The following ADCY2 variants were observed in gnomAD, a reference collection of about 807,000 sequenced individuals.
ADCY2 encodes adenylate cyclase type 2.
ADCY2 carries 31 observed loss-of-function variants against 125.2 expected under a neutral mutation model. The ratio of observed to expected loss-of-function variants is 0.25; its 90% CI spans 0.19 to 0.33. The LOEUF (loss-of-function observed/expected upper bound fraction) is 0.33, where lower values mean the gene tolerates loss of function less well. Ranked by LOEUF, ADCY2 falls within the 10% of genes least tolerant of loss-of-function variation. The pLI is 1.00. For missense variants in ADCY2, 904 were observed against 1,418.2 expected, an observed-to-expected ratio of 0.64 and a Z score of 5.82; for synonymous variants, 512 against 548.4, an observed-to-expected ratio of 0.93 and a Z score of 0.93.
intron 3 of ADCY2, among the ~76,000 whole-genome samples, chr5:7,603,390 T>C (rs1162909989): frequency 6.6e-6 from 1 of 152,224 alleles, no homozygotes; most frequent in Non-Finnish European, 1.5e-5. Flanking sequence ...ATGTCCTCAC[T>C]GCCCCACCTC....
intron 2 of ADCY2, among the ~76,000 whole-genome samples, chr5:7,499,955 CTT>C: frequency 6.6e-6 from 1 of 152,090 alleles, no homozygotes; most frequent in Admixed American, 6.5e-5. Flanking sequence ...CAAAATAAAA[CTT>C]AACTCTATGC....
At chr5:7,693,406 GTTTTTTGTTTTTTTTT>G (rs1400526651) in intron 5 of ADCY2, among the ~76,000 whole-genome samples, 1 of 58,658 alleles carries the variant, frequency 1.7e-5, no homozygotes, top group Admixed American at 1.8e-4. Flanking sequence ...ATTGCCTGCT[GTTTTTTGTTTTTTTTT>G]TTTTTTTTTT....
intron 3 of ADCY2, among the ~76,000 whole-genome samples, chr5:7,580,148 T>A (rs544227786): frequency 6.6e-6 from 1 of 152,274 alleles, no homozygotes; most frequent in East Asian, 1.9e-4. Context: ...ATGGGTACTA[T>A]GCTCAGTACC....
intron 2 of ADCY2, among the ~76,000 whole-genome samples, chr5:7,517,038 A>G (rs1483477369): frequency 6.6e-6 from 1 of 152,148 alleles, no homozygotes; most frequent in East Asian, 1.9e-4. Flanking sequence ...TGCAAGACAA[A>G]CAGGTTTAAG....
rs565034705 is a variant in ADCY2, at chr5:7,475,496, C to G, written c.409-45242C>G. On this transcript the variant is annotated intron_variant, in intron 2 of 24. Transcript: ENST00000338316. ...CCCCGGGTTTGAGAGATTCTCCTGACTCAGCCTCCCAAGTATCTGGGATTA... is the reference window on the plus strand; with the variant it reads ...CCCCGGGTTTGAGAGATTCTCCTGAGTCAGCCTCCCAAGTATCTGGGATTA... Among the ~76,000 whole-genome samples the G allele has an allele frequency of 4.6e-5, 7 of 152,174 alleles. No individual in the cohort carries two copies. The South Asian group carries it at 1.2e-3, about 27-fold the overall frequency.
At chr5:7,491,761 T>C (rs1197850900) in intron 2 of ADCY2, among the ~76,000 whole-genome samples, 1 of 152,176 alleles carries the variant, frequency 6.6e-6, no homozygotes, top group African/African-American at 2.4e-5. Context: ...ATTTTTTATA[T>C]TATTAATGTT....
At chr5:7,524,778 T>TA (rs1205276894) in intron 3 of ADCY2, among the ~76,000 whole-genome samples, 38 of 152,320 alleles carry the variant, frequency 2.5e-4, no homozygotes, top group Admixed American at 2.4e-3. Context: ...TCTCTTTGTC[T>TA]CCTTACCTAT....
intron 18 of ADCY2, among the ~76,000 whole-genome samples, chr5:7,780,439 A>G (rs1579427615): frequency 6.6e-6 from 1 of 152,300 alleles, no homozygotes; most frequent in East Asian, 1.9e-4. Context: ...TAATGGTGTA[A>G]CCAGAGGCAG....
Position 7,766,775 on chromosome 5 carries a change from T to A in ADCY2, c.2183T>A (p.Ile728Asn), listed in dbSNP as rs752419486. The A allele has an allele frequency of 6.2e-7, 1 of 1,611,266 alleles. No homozygotes were observed. The highest frequency in any genetic ancestry group is 2.2e-5 in the East Asian group (1 of 44,874). ...SFSASNNQVA[I>N]LRAQNLFFLP... ...TCAGCCTCAAATAATCAGGTGGCGA[T>A]TCTGCGTGCGCAGAATTTATTTTTC... is the stretch of plus-strand genomic sequence containing the variant. The change falls in exon 17 of 25, where the codon ATT becomes AAT. Residue 728 changes from isoleucine to asparagine, a missense_variant. Ile to Asn is a moderately radical substitution (Grantham distance 149). Around this residue, in one of 7 missense-constraint regions of ADCY2, gnomAD observed 221 missense variants for 246.2 expected, o/e 0.90. Coordinates refer to ENST00000338316, the MANE Select transcript of ADCY2 (RefSeq NM_020546.3).
chr5:7,488,553 G>T (rs1743030263), intron 2 of ADCY2, among the ~76,000 whole-genome samples: 1 of 152,202 alleles, frequency 6.6e-6, no homozygotes, highest in South Asian at 2.1e-4. Context: ...CAGAACTTCT[G>T]CTTCCATTAA....
chr5:7,531,246 G>A (rs1180488800), intron 3 of ADCY2, among the ~76,000 whole-genome samples: 1 of 152,108 alleles, frequency 6.6e-6, no homozygotes. Flanking sequence ...TCTTAGAGAA[G>A]CCCACTTCTG....
At chr5:7,678,089 A>C (rs1302008310) in intron 4 of ADCY2, among the ~76,000 whole-genome samples, 1 of 152,200 alleles carries the variant, frequency 6.6e-6, no homozygotes, top group African/African-American at 2.4e-5. Flanking sequence ...TTAATCAATA[A>C]ATATTTTTTA....
chr5:7,723,406 G>A (rs1335889878), intron 12 of ADCY2, among the ~76,000 whole-genome samples: 1 of 152,190 alleles, frequency 6.6e-6, no homozygotes, highest in African/African-American at 2.4e-5. Context: ...TTCCTGGGAT[G>A]TTCAAGCTAA....
chr5:7,662,547 C>T (rs896011458), intron 4 of ADCY2, among the ~76,000 whole-genome samples: 23 of 152,220 alleles, frequency 1.5e-4, no homozygotes, highest in African/African-American at 5.5e-4. Context: ...GCAGCACTGC[C>T]TTCAGTTCTA....
chr5:7,615,498 G>A (rs1013932023), intron 3 of ADCY2, among the ~76,000 whole-genome samples: 1 of 152,188 alleles, frequency 6.6e-6, no homozygotes, highest in African/African-American at 2.4e-5. Context: ...GCACAGAAAG[G>A]AAGTATCTGC....
chr5:7,520,651 T>C (rs1034276441), intron 2 of ADCY2, 87 bp from the exon 3 acceptor site: 20 of 1,449,436 alleles, frequency 1.4e-5, no homozygotes, highest in Non-Finnish European at 1.7e-5. Context: ...CATGCTGTTC[T>C]ATGCAGCCTT....
At chr5:7,397,217 G>A (rs1739083862) in intron 1 of ADCY2, among the ~76,000 whole-genome samples, 1 of 152,172 alleles carries the variant, frequency 6.6e-6, no homozygotes, top group African/African-American at 2.4e-5. Flanking sequence ...GGTTATTAAA[G>A]TGGATTTCAT....
Position 7,562,055 on chromosome 5 carries a change from T to A in ADCY2, c.570+41156T>A, listed in dbSNP as rs1456337117. ...GTTAATTTCTGAGTGTTTTATATAG[T>A]TTTGTTGATTCCATGAATGGGTTTA... On this transcript the variant is annotated intron_variant, in intron 3 of 24. Transcript: ENST00000338316. Among the ~76,000 whole-genome samples, 12 of 152,154 alleles carry A rather than the reference T, an allele frequency of 7.9e-5. 1 individual carries two copies. Among genetic ancestry groups the A allele is most frequent in the Admixed American group, 7.9e-4 (12 of 15,266 alleles).
rs371641415 is a variant in ADCY2, at chr5:7,734,113, A to G, written c.1871+6852A>G. 2.6e-5 allele frequency among the ~76,000 whole-genome samples: 4 copies of G among 152,324 alleles called. No homozygotes were observed. In the East Asian group the frequency reaches 7.7e-4, roughly 29 times the overall value. On this transcript the variant is annotated intron_variant, in intron 14 of 24. Coordinates refer to ENST00000338316, the MANE Select transcript of ADCY2 (RefSeq NM_020546.3). ...AAGTTTGCTTCCTTTGGTTCTTATC[A>G]TTCTGACTGAATCCCACGCAACAGA...
Sources: allele counts gnomAD v4.1 joint callset (sites outside exome capture counted in the v4.1 genomes callset), GRCh38; gene constraint gnomAD v4.1.1; regional missense constraint gnomAD v4.1.1; transcripts MANE v1.5; gene names NCBI Gene and HGNC (gene_info 2026-07-23, HGNC 2026-07-21).